RUNX2: variants seen among roughly 807,000 people sequenced by gnomAD.
RUNX2 encodes the protein RUNX family transcription factor 2.
Under a neutral mutation model 51.7 loss-of-function variants are expected in RUNX2, and 10 were observed. The ratio of observed to expected loss-of-function variants is 0.19; its 90% CI spans 0.12 to 0.33. The LOEUF is 0.33. Ranked by LOEUF, RUNX2 falls within the 10% of genes least tolerant of loss-of-function variation. The pLI, the probability that RUNX2 is intolerant of heterozygous loss-of-function variation, is 1.00. For synonymous variants in RUNX2, 276 were observed against 273.6 expected (o/e 1.01, Z -0.09); for missense variants, 562 against 691.3 (o/e 0.81, Z 2.10).
chr6:45,545,235 C>G lies in RUNX2; in HGVS notation c.1040C>G (p.Ser347Cys). Residue 347 changes from serine to cysteine, a missense_variant, in exon 8 of 9, where the codon TCT becomes TGT. Physicochemically the swap from Ser to Cys is moderately radical, Grantham distance 112 (BLOSUM62 -1). This residue lies in a region of RUNX2 where 304 missense variants were observed against 353.2 expected (regional missense o/e 0.86). Coordinates refer to ENST00000647337, the MANE Select transcript of RUNX2 (RefSeq NM_001024630.4). ...TTTACAGATGATGACACTGCCACCT[C>G]TGACTTCTGCCTCTGGCCTTCCACT... The part of the protein sequence containing the change: ...RRISDDDTAT[S>C]DFCLWPSTLS... The G allele has an allele frequency of 6.5e-7, 1 of 1,550,062 alleles. No homozygotes were observed.
rs763775731 is a variant in RUNX2, at chr6:45,328,410, A to C, written c.-117A>C. 5 of 1,425,596 alleles carry C rather than the reference A, an allele frequency of 3.5e-6. No homozygotes were observed. In the African/African-American group the frequency reaches 7.1e-5, roughly 20 times the overall value. The allele number at this position is 1,425,596 out of a possible 1,614,324, so 88.3% of individuals were successfully genotyped here. On this transcript the variant is annotated 5_prime_UTR_variant, in exon 1 of 9. Transcript: ENST00000647337. ...GGACAGCAAGAAGTCTCTGGTTTTTAAATGGTTAATCTCCGCAGGTCACTA... is the reference window on the plus strand; with the variant it reads ...GGACAGCAAGAAGTCTCTGGTTTTTCAATGGTTAATCTCCGCAGGTCACTA...
chr6:45,390,725 A>G (rs1394797078), intron 2 of RUNX2, among the ~76,000 whole-genome samples: 1 of 152,150 alleles, frequency 6.6e-6, no homozygotes, highest in Non-Finnish European at 1.5e-5. Flanking sequence ...CATGAGAAAG[A>G]AACTAGGTCA....
At chr6:45,407,001 C>T (rs910650411) in intron 2 of RUNX2, among the ~76,000 whole-genome samples, 3 of 152,014 alleles carry the variant, frequency 2.0e-5, no homozygotes, top group Non-Finnish European at 2.9e-5. Flanking sequence ...TAGCTACCAC[C>T]CCACTTATAA....
intron 3 of RUNX2, among the ~76,000 whole-genome samples, chr6:45,426,891 T>G (rs183407567): frequency 7.1e-4 from 108 of 152,356 alleles, no homozygotes; most frequent in African/African-American, 2.3e-3. Context: ...CAGTGAGTAG[T>G]ATTTTTCTTA....
chr6:45,387,531 T>A (rs1027134590), intron 2 of RUNX2, among the ~76,000 whole-genome samples: 6 of 152,140 alleles, frequency 3.9e-5, no homozygotes, highest in Non-Finnish European at 8.8e-5. Flanking sequence ...CATAAAACAA[T>A]GAGAAGTGAG....
intron 4 of RUNX2, among the ~76,000 whole-genome samples, chr6:45,435,283 C>A (rs944816882): frequency 6.6e-6 from 1 of 152,158 alleles, no homozygotes; most frequent in Non-Finnish European, 1.5e-5. Flanking sequence ...CTTTTAATAT[C>A]CTAAGTAAGT....
intron 6 of RUNX2, among the ~76,000 whole-genome samples, chr6:45,493,430 T>C (rs1162154221): frequency 6.6e-6 from 1 of 152,068 alleles, no homozygotes; most frequent in Admixed American, 6.6e-5. Context: ...CACACTAACT[T>C]GTGAATTTGA....
chr6:45,349,277 A>C (rs1467120690), intron 2 of RUNX2, among the ~76,000 whole-genome samples: 1 of 152,232 alleles, frequency 6.6e-6, no homozygotes, highest in Non-Finnish European at 1.5e-5. Flanking sequence ...CTTCCATTTA[A>C]TGAGTCCACT....
At chr6:45,481,898 T>G (rs767021720) in intron 5 of RUNX2, among the ~76,000 whole-genome samples, 4 of 152,240 alleles carry the variant, frequency 2.6e-5, no homozygotes, top group Non-Finnish European at 5.9e-5. Flanking sequence ...TGATGAAATC[T>G]ATATTCTCTT....
At chr6:45,413,740 A>T (rs1798004595) in intron 2 of RUNX2, among the ~76,000 whole-genome samples, 1 of 152,142 alleles carries the variant, frequency 6.6e-6, no homozygotes, top group Non-Finnish European at 1.5e-5. Flanking sequence ...TAAAAGATAC[A>T]TTCTTTTGTG....
chr6:45,425,883 A>G (rs1563081129), intron 3 of RUNX2, among the ~76,000 whole-genome samples: 1 of 145,664 alleles, frequency 6.9e-6, no homozygotes, highest in Admixed American at 6.9e-5. Context: ...AATGGATTTA[A>G]ACACACACAT....
intron 6 of RUNX2, among the ~76,000 whole-genome samples, chr6:45,502,311 T>G (rs1481586829): frequency 3.3e-5 from 5 of 152,216 alleles, no homozygotes. Context: ...TCATCCTTTT[T>G]GATAGGGAAG....
At chr6:45,410,740 A>T (rs1035319844) in intron 2 of RUNX2, among the ~76,000 whole-genome samples, 2 of 152,220 alleles carry the variant, frequency 1.3e-5, no homozygotes, top group Non-Finnish European at 2.9e-5. Flanking sequence ...AGACGGAAAA[A>T]AAATAAGGAC....
Position 45,422,890 on chromosome 6 carries a change from C to T in RUNX2, c.356C>T (p.Pro119Leu). The stretch of plus-strand genomic sequence containing the variant: ...GCCGAACTCGTCCGCACCGACAGCC[C>T]CAACTTCCTGTGCTCGGTGCTGCCC... Reference protein sequence around the residue: ...HPAELVRTDSPNFLCSVLPSH... With the variant: ...HPAELVRTDSLNFLCSVLPSH... Residue 119 changes from proline to leucine, a missense_variant, in exon 3 of 9, where the codon CCC (proline) becomes CTC (leucine). By Grantham distance (98) the Pro-to-Leu change is moderately conservative. Around this residue, in one of 5 missense-constraint regions of RUNX2, gnomAD observed 67 missense variants for 106.5 expected, o/e 0.63. Transcript: ENST00000647337. The T allele has an allele frequency of 6.2e-7, 1 of 1,612,918 alleles. No homozygotes were observed. The highest frequency in any genetic ancestry group is 8.5e-7 in the Non-Finnish European group (1 of 1,179,662).
chr6:45,477,618 G>C (rs1174555783), intron 5 of RUNX2, among the ~76,000 whole-genome samples: 1 of 152,128 alleles, frequency 6.6e-6, no homozygotes, highest in African/African-American at 2.4e-5. Context: ...CCACTGTACT[G>C]TTGTCTGTAC....
At chr6:45,423,100 G>T (rs923137623) in intron 3 of RUNX2, 143 bp downstream of exon 3, 3 of 849,112 alleles carry the variant, frequency 3.5e-6, no homozygotes, top group East Asian at 6.7e-5. Flanking sequence ...CCCCGGCCGG[G>T]CCTCCCTCCG....
intron 2 of RUNX2, among the ~76,000 whole-genome samples, chr6:45,394,286 A>G (rs1315979175): frequency 6.6e-6 from 1 of 152,130 alleles, no homozygotes; most frequent in Non-Finnish European, 1.5e-5. Context: ...CAAGCCATTC[A>G]TGAGGGATCC....
At chr6:45,536,068 G>A (rs190779016) in intron 7 of RUNX2, among the ~76,000 whole-genome samples, 23 of 151,916 alleles carry the variant, frequency 1.5e-4, no homozygotes, top group African/African-American at 4.8e-4. Flanking sequence ...AGGAAATCCC[G>A]AGGAACCAGA....
chr6:45,418,173 T>TAAC (rs34787815), intron 2 of RUNX2, among the ~76,000 whole-genome samples: 127,456 of 151,926 alleles, frequency 0.84, 53,624 homozygotes, highest in South Asian at 0.93. Flanking sequence ...CTTTTCATCA[T>TAAC]AAGTATATAT....
Sources: allele counts gnomAD v4.1 joint callset (sites outside exome capture counted in the v4.1 genomes callset), GRCh38; gene constraint gnomAD v4.1.1; regional missense constraint gnomAD v4.1.1; transcripts MANE v1.5; gene names NCBI Gene and HGNC (gene_info 2026-07-23, HGNC 2026-07-21).